The following CCM2 variants were observed in gnomAD, a reference collection of about 807,000 sequenced individuals.
The protein encoded by CCM2 is CCM2 scaffold protein, also known as cerebral cavernous malformations 2 protein.
A neutral mutation model predicts 44.9 loss-of-function variants in CCM2; 25 were observed. The ratio of observed to expected loss-of-function variants is 0.56; its 90% CI spans 0.41 to 0.78. The LOEUF (loss-of-function observed/expected upper bound fraction) is 0.78, where lower values mean the gene tolerates loss of function less well. CCM2 is among the 30% of genes least tolerant of loss of function. The pLI, the probability that CCM2 is intolerant of heterozygous loss-of-function variation, is 0.00. For synonymous variants in CCM2, 219 were observed against 241.1 expected (o/e 0.91, Z 0.85); for missense variants, 481 against 580.6 (o/e 0.83, Z 1.76).
intron 4 of CCM2, 77 bp from the exon 5 acceptor site, chr7:45,068,366 C>A (rs13231913): frequency 6.9e-6 from 11 of 1,586,158 alleles, no homozygotes; most frequent in Non-Finnish European, 7.8e-6. Flanking sequence ...GTTTCCATGG[C>A]GGCCTCAGCT....
intron 2 of CCM2, among the ~76,000 whole-genome samples, chr7:45,056,576 A>G (rs1323635477): frequency 6.6e-6 from 1 of 152,214 alleles, no homozygotes; most frequent in African/African-American, 2.4e-5. Context: ...CCTAATAACT[A>G]TTGATGTTGA....
chr7:45,051,812 C>T (rs1031275447), intron 2 of CCM2, among the ~76,000 whole-genome samples: 10 of 152,238 alleles, frequency 6.6e-5, no homozygotes, highest in East Asian at 1.9e-4. Context: ...CCGCCCACCT[C>T]GGCCCCCCAA....
At chr7:45,008,713 T>C (rs750201128) in intron 1 of CCM2, among the ~76,000 whole-genome samples, 42 of 152,218 alleles carry the variant, frequency 2.8e-4, no homozygotes, top group Non-Finnish European at 1.5e-4. Flanking sequence ...GTGTCAGTTA[T>C]GGTGCATGTT....
intron 1 of CCM2, among the ~76,000 whole-genome samples, chr7:45,002,862 T>C (rs1795699243): frequency 6.6e-6 from 1 of 152,108 alleles, no homozygotes; most frequent in Non-Finnish European, 1.5e-5. Context: ...GGATCACTCA[T>C]GGGTCCATCT....
chr7:45,063,635 A>T (rs1227847139), intron 2 of CCM2, among the ~76,000 whole-genome samples: 1 of 152,168 alleles, frequency 6.6e-6, no homozygotes, highest in Non-Finnish European at 1.5e-5. Context: ...CAAAACTAGT[A>T]GTTTTGGTAC....
chr7:45,009,299 T>TC, intron 1 of CCM2, among the ~76,000 whole-genome samples: 1 of 22,660 alleles, frequency 4.4e-5, no homozygotes, highest in South Asian at 2.2e-3. Flanking sequence ...AGCCTCTGTC[T>TC]CAAAAAAAAA....
intron 1 of CCM2, among the ~76,000 whole-genome samples, chr7:45,035,975 T>A (rs1489646949): frequency 6.6e-6 from 1 of 152,222 alleles, no homozygotes; most frequent in Non-Finnish European, 1.5e-5. Context: ...GATTATTGTA[T>A]TGATTGCCTG....
intron 2 of CCM2, among the ~76,000 whole-genome samples, chr7:45,057,569 G>C (rs10255099): frequency 0.01 from 1,568 of 152,258 alleles, 28 homozygotes; most frequent in African/African-American, 0.035. Flanking sequence ...GAAAATAGTT[G>C]AAATTTATTA....
At chr7:45,012,876 TGG>T (rs1796121144) in intron 1 of CCM2, among the ~76,000 whole-genome samples, 1 of 152,162 alleles carries the variant, frequency 6.6e-6, no homozygotes. Context: ...CATGTTTGCA[TGG>T]TGTGTGTCTT....
chr7:45,024,028 C>T (rs1443974885), intron 1 of CCM2, among the ~76,000 whole-genome samples: 4 of 152,022 alleles, frequency 2.6e-5, no homozygotes, highest in Non-Finnish European at 5.9e-5. Context: ...TCAGGCTGGT[C>T]TCGAATTCCC....
chr7:45,051,485 C>T (rs556542600), intron 2 of CCM2, among the ~76,000 whole-genome samples: 1 of 152,310 alleles, frequency 6.6e-6, no homozygotes, highest in Admixed American at 6.5e-5. Context: ...GCAAGCTCTG[C>T]CTCCCGGGTT....
chr7:45,020,264 T>C (rs1052819882), intron 1 of CCM2, among the ~76,000 whole-genome samples: 3 of 152,198 alleles, frequency 2.0e-5, no homozygotes, highest in Non-Finnish European at 2.9e-5. Context: ...CTTTAGAAGA[T>C]TGTTTTTCAC....
At chr7:44,999,965 C>G, upstream of CCM2, 2 of 277,156 alleles carry the variant, frequency 7.2e-6, no homozygotes, top group South Asian at 2.7e-5. Flanking sequence ...GCGTTCTCGG[C>G]CGTCCTGAAG....
chr7:45,039,159 T>C (rs1052783510), intron 2 of CCM2, among the ~76,000 whole-genome samples: 101 of 152,280 alleles, frequency 6.6e-4, no homozygotes, highest in African/African-American at 2.2e-3. Flanking sequence ...CTCACCTGGC[T>C]CAGCCAGATG....
intron 2 of CCM2, among the ~76,000 whole-genome samples, chr7:45,050,653 T>A (rs187566014): frequency 2.8e-4 from 42 of 152,386 alleles, no homozygotes; most frequent in Admixed American, 2.5e-3. Flanking sequence ...CAGGTCTCTT[T>A]CAGACTACCT....
chr7:45,028,308 G>A (rs1796784217), intron 1 of CCM2, among the ~76,000 whole-genome samples: 1 of 152,186 alleles, frequency 6.6e-6, no homozygotes, highest in African/African-American at 2.4e-5. Flanking sequence ...AGGTGCCTAT[G>A]CCTTTCTCAC....
intron 1 of CCM2, among the ~76,000 whole-genome samples, chr7:45,037,648 C>T (rs551306599): frequency 3.4e-4 from 52 of 152,112 alleles, no homozygotes; most frequent in South Asian, 8.3e-4. Flanking sequence ...GAACTCCTGA[C>T]CTTAAGTGAT....
chr7:44,999,969 C>T (rs1052265421), upstream of CCM2: 8 of 271,698 alleles, frequency 2.9e-5, no homozygotes, highest in Non-Finnish European at 5.2e-5. Context: ...TCTCGGCCGT[C>T]CTGAAGGGGC....
At chr7:45,048,651 T>C (rs1349804878) in intron 2 of CCM2, among the ~76,000 whole-genome samples, 1 of 151,708 alleles carries the variant, frequency 6.6e-6, no homozygotes, top group East Asian at 1.9e-4. Context: ...TAGTCCCAGG[T>C]GCTTGGGAGG....
Sources: allele counts gnomAD v4.1 joint callset (sites outside exome capture counted in the v4.1 genomes callset), GRCh38; gene constraint gnomAD v4.1.1; transcripts MANE v1.5; gene names NCBI Gene and HGNC (gene_info 2026-07-23, HGNC 2026-07-21).